The following IFT46 variants were observed in gnomAD, a reference collection of about 807,000 sequenced individuals.
IFT46 encodes the protein intraflagellar transport protein 46 homolog.
A neutral mutation model predicts 39.6 loss-of-function variants in IFT46; 19 were observed. That is an observed-to-expected ratio of 0.48 (90% confidence interval 0.33 to 0.70). IFT46 has a LOEUF of 0.70. Among genes scored for constraint, IFT46 ranks in the 30% least tolerant of loss-of-function variants. The pLI, the probability that IFT46 is intolerant of heterozygous loss-of-function variation, is 0.01. For missense variants in IFT46, 334 were observed against 364.8 expected, an observed-to-expected ratio of 0.92 and a Z score of 0.69; for synonymous variants, 117 against 134.8, an observed-to-expected ratio of 0.87 and a Z score of 0.91.
chr11:118,573,051 T>A, upstream of IFT46: 1 of 161,144 alleles, frequency 6.2e-6, no homozygotes, highest in African/African-American at 2.4e-5. Context: ...GAAATTTTTC[T>A]TTTTGTTCAG....
intron 4 of IFT46, among the ~76,000 whole-genome samples, chr11:118,556,365 C>T (rs1010409022): frequency 1.3e-5 from 2 of 152,020 alleles, no homozygotes; most frequent in Non-Finnish European, 2.9e-5. Context: ...TGGTGGCGGG[C>T]ACCTGTAGTC....
At position 118,544,706 on chromosome 11, in the gene IFT46, A is replaced by C; in HGVS notation, c.*210T>G. ...CAAATCCCCACAGTGGTGTAGATGCATTAACTCCCCGGGGACAGCAATCTG... is the reference window on the plus strand; with the variant it reads ...CAAATCCCCACAGTGGTGTAGATGCCTTAACTCCCCGGGGACAGCAATCTG... On this transcript the variant is annotated 3_prime_UTR_variant, in exon 12 of 12. Coordinates refer to ENST00000264021, the MANE Select transcript of IFT46 (RefSeq NM_001168618.2). 3.9e-6 allele frequency: 2 copies of C among 518,654 alleles called. No homozygotes were observed. The highest frequency in any genetic ancestry group is 2.7e-5 in the South Asian group (1 of 37,422). 32.1% of individuals were successfully genotyped at this position (518,654 alleles called of 1,614,324 possible). A position where few individuals can be genotyped will look rare whatever the true frequency, so the allele number is the denominator to read the frequency against.
Position 118,544,954 on chromosome 11 carries a change from A to G in IFT46, c.877T>C (p.Ser293Pro), listed in dbSNP as rs933423899. 5.6e-6 allele frequency: 9 copies of G among 1,613,730 alleles called. No individual in the cohort carries two copies. The South Asian group carries it at 6.6e-5, about 12-fold the overall frequency. Residue 293 changes from serine (S) to proline (P), a missense_variant, in exon 12 of 12, where the codon TCC becomes CCC. Physicochemically the swap from Ser to Pro is moderately conservative, Grantham distance 74. Coordinates refer to ENST00000264021, the MANE Select transcript of IFT46 (RefSeq NM_001168618.2). The part of the protein sequence containing the change: ...KAFTPSSNST[S>P]QAGDMETLTF... Reference sequence around the variant, plus strand: ...AATGTCTCCATGTCTCCAGCTTGGGAGGTGGAATTGGATGAAGGAGTGAAT... The same window carrying G: ...AATGTCTCCATGTCTCCAGCTTGGGGGGTGGAATTGGATGAAGGAGTGAAT...
At chr11:118,576,205 G>C (rs117075721), upstream of IFT46, among the ~76,000 whole-genome samples, 275 of 152,000 alleles carry the variant, frequency 1.8e-3, no homozygotes, top group Middle Eastern at 3.4e-3. Context: ...TTAAGTCTGT[G>C]TAGGAGAGAG....
upstream of IFT46, among the ~76,000 whole-genome samples, chr11:118,569,655 C>A (rs1938296537): frequency 6.6e-6 from 1 of 152,104 alleles, no homozygotes; most frequent in South Asian, 2.1e-4. Flanking sequence ...TACTTTTTAG[C>A]CATGAGACCT....
intron 9 of IFT46, among the ~76,000 whole-genome samples, chr11:118,547,434 T>G (rs1555067425): frequency 6.6e-6 from 1 of 152,212 alleles, no homozygotes. Flanking sequence ...AAAATTCTTT[T>G]TTGAGACGGA....
Position 118,559,743 on chromosome 11 carries a change from C to G in IFT46, c.45+42G>C, listed in dbSNP as rs115341587. On this transcript the variant is annotated intron_variant, in intron 3 of 11. Coordinates refer to ENST00000264021, the MANE Select transcript of IFT46 (RefSeq NM_001168618.2). The stretch of plus-strand genomic sequence containing the variant: ...GGTGTCATCTCTAACTACTAAAAAC[C>G]CAAAGCAGAAATTCTACAAGAAGCT... The G allele has an allele frequency of 1.5e-3, 2,373 of 1,552,734 alleles. 36 individuals are homozygous for G. The African/African-American group carries it at 0.029, about 19-fold the overall frequency.
intron 9 of IFT46, chr11:118,547,273 A>G (rs975096618): frequency 3.9e-5 from 6 of 152,210 alleles, no homozygotes; most frequent in African/African-American, 1.2e-4. Flanking sequence ...AATAAAGTCT[A>G]TGGTATGTTA....
intron 2 of IFT46, chr11:118,560,351 C>G (rs58613635): frequency 5.8e-6 from 1 of 171,524 alleles, no homozygotes; most frequent in Non-Finnish European, 1.2e-5. Context: ...CCCAGGAGTT[C>G]GAGGCTGCAG....
intron 6 of IFT46, 85 bp from the exon 7 acceptor site, chr11:118,554,672 CTAG>C: frequency 7.1e-7 from 1 of 1,404,062 alleles, no homozygotes; most frequent in Non-Finnish European, 9.7e-7. Context: ...ATCATTATTA[CTAG>C]TATTAAAAGC....
At chr11:118,572,639 C>T (rs1041823560) in exon 1 of IFT46, 1 of 1,533,378 alleles carries the variant, frequency 6.5e-7, no homozygotes, top group African/African-American at 1.4e-5. Flanking sequence ...CCGGAGGAGC[C>T]CCGCCCTGAG....
intron 2 of IFT46, among the ~76,000 whole-genome samples, chr11:118,562,724 A>G (rs1214199730): frequency 6.6e-6 from 1 of 152,230 alleles, no homozygotes; most frequent in Non-Finnish European, 1.5e-5. Flanking sequence ...CACAATAGCC[A>G]AAATATGAAA....
intron 10 of IFT46, 123 bp downstream of exon 10, chr11:118,545,670 A>G: frequency 8.3e-7 from 1 of 1,202,490 alleles, no homozygotes; most frequent in Non-Finnish European, 1.2e-6. Flanking sequence ...GCCAAAGAGC[A>G]CAACGGGCTT....
At chr11:118,576,397 T>A (rs1373706194), upstream of IFT46, among the ~76,000 whole-genome samples, 4 of 133,082 alleles carry the variant, frequency 3.0e-5, no homozygotes, top group Admixed American at 3.4e-4. Flanking sequence ...AAGTTCCTTT[T>A]AGATCTGGAA....
At chr11:118,557,885 TAGGACCTGA>T (rs782260190) in intron 3 of IFT46, 1 of 1,595,612 alleles carries the variant, frequency 6.3e-7, no homozygotes, top group Non-Finnish European at 8.5e-7. Flanking sequence ...TGCCCTCCCT[TAGGACCTGA>T]AGGATGACCA....
intron 3 of IFT46, among the ~76,000 whole-genome samples, chr11:118,558,597 CAAAACA>C (rs1360531225): frequency 3.3e-5 from 5 of 150,928 alleles, no homozygotes; most frequent in Non-Finnish European, 5.9e-5. Flanking sequence ...GACTCTGTCT[CAAAACA>C]AAAACAAAAA....
At chr11:118,572,456 A>G (rs1003167179) in intron 1 of IFT46, 2 of 1,360,056 alleles carry the variant, frequency 1.5e-6, no homozygotes, top group African/African-American at 1.5e-5. Flanking sequence ...AGGGGGCAGC[A>G]GGTCCAGAGC....
At chr11:118,556,714 C>T (rs1937848139) in intron 4 of IFT46, among the ~76,000 whole-genome samples, 192 bp downstream of exon 4, 1 of 152,100 alleles carries the variant, frequency 6.6e-6, no homozygotes, top group African/African-American at 2.4e-5. Flanking sequence ...TACTATAGGA[C>T]TGGATAAGGT....
At chr11:118,572,658 G>A (rs1191680953) in exon 1 of IFT46, 2 of 1,435,040 alleles carry the variant, frequency 1.4e-6, no homozygotes, top group Non-Finnish European at 1.9e-6. Flanking sequence ...AGGGTCTAGG[G>A]CAGAGTGCTT....
Sources: allele counts gnomAD v4.1 joint callset (sites outside exome capture counted in the v4.1 genomes callset), GRCh38; gene constraint gnomAD v4.1.1; transcripts MANE v1.5; gene names NCBI Gene and HGNC (gene_info 2026-07-23, HGNC 2026-07-21).